ST6GALNAC3: variants seen among roughly 807,000 people sequenced by gnomAD.
The protein encoded by ST6GALNAC3 is alpha-N-acetylgalactosaminide alpha-2,6-sialyltransferase 3.
ST6GALNAC3 carries 25 observed loss-of-function variants against 32.7 expected under a neutral mutation model. That is an observed-to-expected ratio of 0.76 (90% CI 0.56 to 1.07). The LOEUF is 1.07. ST6GALNAC3 is among the 50% of genes least tolerant of loss of function. The probability of loss-of-function intolerance (pLI) is 0.00; values close to 1 mark genes in which losing one functional copy is unlikely to be tolerated. For missense variants in ST6GALNAC3, 355 were observed against 382.4 expected, an observed-to-expected ratio of 0.93 and a Z score of 0.60; for synonymous variants, 129 against 133.1, an observed-to-expected ratio of 0.97 and a Z score of 0.21.
intron 1 of ST6GALNAC3, among the ~76,000 whole-genome samples, chr1:76,231,215 C>T (rs1656341587): frequency 6.6e-6 from 1 of 152,142 alleles, no homozygotes; most frequent in Admixed American, 6.5e-5. Flanking sequence ...CTTGAACAAG[C>T]CAGGTCCAGC....
chr1:76,355,613 C>A (rs937541205), intron 2 of ST6GALNAC3, among the ~76,000 whole-genome samples: 2 of 152,206 alleles, frequency 1.3e-5, no homozygotes, highest in Non-Finnish European at 1.5e-5. Context: ...ATAACTTCCA[C>A]CATAGCCCGA....
intron 1 of ST6GALNAC3, among the ~76,000 whole-genome samples, chr1:76,172,648 C>A (rs996479356): frequency 6.6e-6 from 1 of 152,112 alleles, no homozygotes; most frequent in African/African-American, 2.4e-5. Context: ...TCTCAGGATA[C>A]AAAATTAATG....
chr1:76,574,678 G>C (rs1646772527), intron 3 of ST6GALNAC3, among the ~76,000 whole-genome samples: 1 of 152,054 alleles, frequency 6.6e-6, no homozygotes, highest in South Asian at 2.1e-4. Flanking sequence ...TTGAAGCCTG[G>C]GGATATTTCT....
chr1:76,628,641 C>T lies in ST6GALNAC3; in HGVS notation c.753C>T (p.Val251=). Residue 251 remains valine, a synonymous_variant, in exon 5 of 5, where the codon GTC becomes GTT. Coordinates refer to ENST00000328299, the MANE Select transcript of ST6GALNAC3 (RefSeq NM_152996.4). Reference sequence around the variant, plus strand: ...CTAGGACAGAAGGGTATAGAAAAGTCCCCTACCATTATTATGAACAAGGAA... The same window carrying T: ...CTAGGACAGAAGGGTATAGAAAAGTTCCCTACCATTATTATGAACAAGGAA... ...TYCKTEGYRK[V]PYHYYEQGRD... 1 of 1,609,190 alleles carries T rather than the reference C, an allele frequency of 6.2e-7. No individual in the cohort carries two copies.
At chr1:76,120,710 A>G (rs1352751843) in intron 1 of ST6GALNAC3, among the ~76,000 whole-genome samples, 1 of 152,170 alleles carries the variant, frequency 6.6e-6, no homozygotes, top group Non-Finnish European at 1.5e-5. Context: ...ACCTAAACAG[A>G]GGTCCCAACT....
chr1:76,420,010 A>T (rs1288600312), intron 3 of ST6GALNAC3, among the ~76,000 whole-genome samples: 5 of 150,744 alleles, frequency 3.3e-5, no homozygotes, highest in Admixed American at 2.0e-4. Context: ...AGAAGGAAAA[A>T]GCTCCCCGTG....
intron 1 of ST6GALNAC3, among the ~76,000 whole-genome samples, chr1:76,265,910 A>T (rs1328702539): frequency 6.6e-6 from 1 of 152,178 alleles, no homozygotes; most frequent in Non-Finnish European, 1.5e-5. Context: ...TTTGGTGCAT[A>T]GGACTGGTTA....
intron 3 of ST6GALNAC3, among the ~76,000 whole-genome samples, chr1:76,537,834 T>C (rs551647949): frequency 6.6e-6 from 1 of 152,110 alleles, no homozygotes; most frequent in Middle Eastern, 3.4e-3. Flanking sequence ...GTCAAATCTC[T>C]GAATAGACCA....
chr1:76,502,889 G>A (rs1661257767), intron 3 of ST6GALNAC3, among the ~76,000 whole-genome samples: 1 of 152,140 alleles, frequency 6.6e-6, no homozygotes, highest in Non-Finnish European at 1.5e-5. Flanking sequence ...GTTAATAAGT[G>A]AGAAATAGAG....
chr1:76,097,314 T>G (rs1647151173), intron 1 of ST6GALNAC3, among the ~76,000 whole-genome samples: 1 of 152,306 alleles, frequency 6.6e-6, no homozygotes, highest in Middle Eastern at 3.4e-3. Flanking sequence ...CCATGTGTCA[T>G]AGGAGGGACC....
intron 1 of ST6GALNAC3, among the ~76,000 whole-genome samples, chr1:76,184,537 A>G (rs1653419898): frequency 6.6e-6 from 1 of 150,478 alleles, no homozygotes. Context: ...ACACACACAC[A>G]CACACACACA....
intron 2 of ST6GALNAC3, among the ~76,000 whole-genome samples, chr1:76,346,865 T>C (rs766157703): frequency 3.3e-5 from 5 of 152,208 alleles, no homozygotes; most frequent in African/African-American, 4.8e-5. Context: ...ATGTAAATAT[T>C]CAATAAACAC....
At chr1:76,233,814 A>G (rs1656499829) in intron 1 of ST6GALNAC3, among the ~76,000 whole-genome samples, 1 of 152,166 alleles carries the variant, frequency 6.6e-6, no homozygotes, top group African/African-American at 2.4e-5. Context: ...GTCTGGGAGG[A>G]AATACCATTT....
At chr1:76,383,600 C>T (rs192998000) in intron 2 of ST6GALNAC3, among the ~76,000 whole-genome samples, 293 of 152,018 alleles carry the variant, frequency 1.9e-3, no homozygotes, top group African/African-American at 7.0e-3. Context: ...AAAGAAGCTG[C>T]TCAGGCAAAA....
intron 1 of ST6GALNAC3, among the ~76,000 whole-genome samples, chr1:76,130,668 A>G (rs1649552176): frequency 1.3e-5 from 2 of 152,186 alleles, no homozygotes; most frequent in Admixed American, 6.5e-5. Context: ...TGAGGACCCA[A>G]GTAAGGATGA....
At chr1:76,323,720 TGTA>T (rs1382078925) in intron 2 of ST6GALNAC3, among the ~76,000 whole-genome samples, 2 of 152,250 alleles carry the variant, frequency 1.3e-5, no homozygotes, top group African/African-American at 4.8e-5. Flanking sequence ...ACTCTTTAAA[TGTA>T]GTCATAGAAA....
intron 3 of ST6GALNAC3, among the ~76,000 whole-genome samples, chr1:76,441,226 A>G (rs1051955644): frequency 6.6e-6 from 1 of 152,116 alleles, no homozygotes; most frequent in African/African-American, 2.4e-5. Context: ...GATCATAAAT[A>G]TCATTTACTG....
chr1:76,259,708 A>G (rs1259802337), intron 1 of ST6GALNAC3, among the ~76,000 whole-genome samples: 1 of 152,172 alleles, frequency 6.6e-6, no homozygotes, highest in Non-Finnish European at 1.5e-5. Context: ...CTCTATTAGT[A>G]TATAAATGCT....
At chr1:76,320,039 A>G (rs1646937580) in intron 2 of ST6GALNAC3, among the ~76,000 whole-genome samples, 2 of 152,196 alleles carry the variant, frequency 1.3e-5, no homozygotes, top group African/African-American at 2.4e-5. Flanking sequence ...ATCAATGACC[A>G]TATCTCCAGA....
Sources: allele counts gnomAD v4.1 joint callset (sites outside exome capture counted in the v4.1 genomes callset), GRCh38; gene constraint gnomAD v4.1.1; transcripts MANE v1.5; gene names NCBI Gene and HGNC (gene_info 2026-07-23, HGNC 2026-07-21).